The following PRKCA variants were observed in gnomAD, a reference collection of about 807,000 sequenced individuals.
PRKCA encodes protein kinase C alpha, also known as protein kinase C alpha type.
PRKCA carries 27 observed loss-of-function variants against 87.0 expected under a neutral mutation model. The observed-to-expected ratio is 0.31, with a 90% confidence interval of 0.23 to 0.43. The LOEUF is 0.43. Among genes scored for constraint, PRKCA ranks in the 20% least tolerant of loss-of-function variants. PRKCA has a pLI of 1.00. For synonymous variants in PRKCA, 329 were observed against 311.1 expected (o/e 1.06, Z -0.61); for missense variants, 518 against 852.3 (o/e 0.61, Z 4.88).
chr17:66,731,845 G>A (rs1390613786), intron 8 of PRKCA, among the ~76,000 whole-genome samples: 9 of 135,548 alleles, frequency 6.6e-5, no homozygotes, highest in African/African-American at 2.2e-4. Flanking sequence ...GTGCAATGGC[G>A]CGATCTCAGC....
Position 66,587,893 on chromosome 17 carries a change from GTGTATATATA to G in PRKCA, c.289-53460_289-53451del, listed in dbSNP as rs1429635811. On this transcript the variant is annotated intron_variant, in intron 3 of 16. Coordinates refer to ENST00000413366, the MANE Select transcript of PRKCA (RefSeq NM_002737.3). ...TATGTGTGTGTGTGTGTGTGTGTGT[GTGTATATATA>G]TATATATATATATATATATATATAT... 5.8e-5 allele frequency among the ~76,000 whole-genome samples: 3 copies of G among 51,634 alleles called. 1 individual carries two copies. Among genetic ancestry groups the G allele is most frequent in the East Asian group, 5.7e-4 (1 of 1,756 alleles). The allele number at this position is 51,634 out of a possible 152,430, so 33.9% of individuals were successfully genotyped here. A position where few individuals can be genotyped will look rare whatever the true frequency, so the allele number is the denominator to read the frequency against.
intron 15 of PRKCA, among the ~76,000 whole-genome samples, chr17:66,788,353 T>C (rs1975450810): frequency 6.6e-6 from 1 of 152,170 alleles, no homozygotes; most frequent in Admixed American, 6.5e-5. Context: ...CCTTCCTTGT[T>C]ATAGCATTTA....
In PRKCA at chr17:66,808,050, A is replaced by G. The variant is rs1040654840; in HGVS notation, c.*4013A>G. Reference sequence around the variant, plus strand: ...AAAACACCCCCCAAATGCTAACAACATCCCCACCAGCTGCTAGAAGCCCCT... The same window carrying G: ...AAAACACCCCCCAAATGCTAACAACGTCCCCACCAGCTGCTAGAAGCCCCT... On this transcript the variant is annotated 3_prime_UTR_variant, in exon 17 of 17. Coordinates refer to ENST00000413366, the MANE Select transcript of PRKCA (RefSeq NM_002737.3). 3 of 152,118 alleles carry G rather than the reference A, an allele frequency of 2.0e-5. No individual in the cohort carries two copies. The highest frequency in any genetic ancestry group is 7.3e-5 in the African/African-American group (3 of 41,372). 9.4% of individuals were successfully genotyped at this position (152,118 alleles called of 1,614,324 possible). A position where few individuals can be genotyped will look rare whatever the true frequency, so the allele number is the denominator to read the frequency against.
intron 5 of PRKCA, among the ~76,000 whole-genome samples, chr17:66,671,729 G>A (rs1302962153): frequency 6.6e-6 from 1 of 152,212 alleles, no homozygotes; most frequent in African/African-American, 2.4e-5. Context: ...GAAACTCTGT[G>A]TACCTGGATG....
intron 5 of PRKCA, among the ~76,000 whole-genome samples, chr17:66,683,649 G>A (rs1972550298): frequency 6.6e-6 from 1 of 152,144 alleles, no homozygotes; most frequent in Non-Finnish European, 1.5e-5. Flanking sequence ...ACCCAGGCTG[G>A]AGTGCAGTGG....
intron 2 of PRKCA, chr17:66,404,140 C>G (rs912922810): frequency 6.6e-6 from 1 of 152,228 alleles, no homozygotes. Flanking sequence ...TCCCCAATCT[C>G]TGTTGCACAG....
At chr17:66,797,039 A>G (rs1192148108) in intron 16 of PRKCA, 8 of 940,022 alleles carry the variant, frequency 8.5e-6, no homozygotes, top group Non-Finnish European at 1.0e-5. Context: ...ATTTCCCATA[A>G]TTCCCATAGC....
intron 2 of PRKCA, among the ~76,000 whole-genome samples, chr17:66,438,249 G>A (rs1913519464): frequency 6.6e-6 from 1 of 152,146 alleles, no homozygotes; most frequent in Non-Finnish European, 1.5e-5. Flanking sequence ...CAGTCCTGAG[G>A]AACTGTATTC....
rs1378950762 is a variant in PRKCA, at chr17:66,806,156, C to T, written c.*2119C>T. The T allele has an allele frequency of 2.0e-5, 3 of 152,254 alleles. No homozygotes were observed. The highest frequency in any genetic ancestry group is 1.3e-4 in the Admixed American group (2 of 15,280). The allele number at this position is 152,254 out of a possible 1,614,324, so 9.4% of individuals were successfully genotyped here. The stretch of plus-strand genomic sequence containing the variant: ...ACAGAAACAGAATGAAAGTAGCTGT[C>T]AGTCCTTGTAGAGAGCCGCTCTGTT... On this transcript the variant is annotated 3_prime_UTR_variant, in exon 17 of 17. Coordinates refer to ENST00000413366, the MANE Select transcript of PRKCA (RefSeq NM_002737.3).
chr17:66,455,678 G>A (rs541379874), intron 2 of PRKCA, among the ~76,000 whole-genome samples: 5 of 152,132 alleles, frequency 3.3e-5, no homozygotes, highest in Non-Finnish European at 7.3e-5. Flanking sequence ...TACCTGTGTG[G>A]GGTTTTCTTT....
chr17:66,489,964 A>G (rs1453974540), intron 2 of PRKCA, among the ~76,000 whole-genome samples: 1 of 151,712 alleles, frequency 6.6e-6, no homozygotes, highest in African/African-American at 2.4e-5. Context: ...TAATTTTAGT[A>G]GAGACAGGGT....
chr17:66,740,521 A>G (rs1039000542), intron 11 of PRKCA, among the ~76,000 whole-genome samples: 13 of 152,188 alleles, frequency 8.5e-5, no homozygotes, highest in Admixed American at 2.0e-4. Context: ...TATGCACCCT[A>G]GGGAAGATTA....
chr17:66,416,521 C>T (rs1046473538), intron 2 of PRKCA: 1 of 152,280 alleles, frequency 6.6e-6, no homozygotes, highest in Non-Finnish European at 1.5e-5. Context: ...CCAAACTCCA[C>T]TAAGCCTTTT....
intron 3 of PRKCA, among the ~76,000 whole-genome samples, chr17:66,512,820 G>A (rs1293197320): frequency 6.6e-6 from 1 of 152,054 alleles, no homozygotes; most frequent in African/African-American, 2.4e-5. Flanking sequence ...AGCCTCTTGA[G>A]TGGCTGGGAT....
intron 3 of PRKCA, among the ~76,000 whole-genome samples, chr17:66,614,714 A>G (rs1970467607): frequency 6.6e-6 from 1 of 152,194 alleles, no homozygotes. Context: ...GTGTTCCACA[A>G]GTGGCAGTTC....
chr17:66,390,206 G>C (rs1419043556), intron 2 of PRKCA, among the ~76,000 whole-genome samples: 1 of 146,472 alleles, frequency 6.8e-6, no homozygotes, highest in African/African-American at 2.5e-5. Context: ...TGAGCAATAA[G>C]AGTGAAACTC....
At chr17:66,772,358 A>G (rs534114036) in intron 13 of PRKCA, among the ~76,000 whole-genome samples, 185 of 152,298 alleles carry the variant, frequency 1.2e-3, no homozygotes, top group African/African-American at 3.6e-3. Context: ...TACCCTTGTT[A>G]CTGCCCACAC....
chr17:66,343,917 T>C (rs149400518), intron 2 of PRKCA, among the ~76,000 whole-genome samples: 1 of 152,200 alleles, frequency 6.6e-6, no homozygotes, highest in East Asian at 1.9e-4. Flanking sequence ...TGCCTACCAT[T>C]GTATGTTTTC....
chr17:66,785,978 G>A lies in PRKCA; in HGVS notation c.1606-889G>A, dbSNP rs180996917. On this transcript the variant is annotated intron_variant, in intron 14 of 16. Coordinates refer to ENST00000413366, the MANE Select transcript of PRKCA (RefSeq NM_002737.3). ...CCAGTAGCTGGGACTACAGGCGCTC[G>A]CCACCATGCCCGGCTAATTTTTTGT... Among the ~76,000 whole-genome samples the A allele has an allele frequency of 4.1e-3, 619 of 152,278 alleles. 2 individuals are homozygous for A. The highest frequency in any genetic ancestry group is 6.8e-3 in the Non-Finnish European group (461 of 68,024).
Sources: gnomAD v4.1 joint callset for allele counts (sites outside exome capture counted in the v4.1 genomes callset) on GRCh38, gnomAD v4.1.1 for gene constraint, MANE v1.5 for transcripts, NCBI Gene and HGNC (gene_info 2026-07-23, HGNC 2026-07-21) for gene names.